NEK8: variants seen among roughly 807,000 people sequenced by gnomAD.
The protein encoded by NEK8 is NIMA related kinase 8, also known as serine/threonine-protein kinase Nek8.
A neutral mutation model predicts 77.2 loss-of-function variants in NEK8; 51 were observed. The ratio of observed to expected loss-of-function variants is 0.66; its 90% confidence interval spans 0.53 to 0.83. The LOEUF is 0.83. Ranked by LOEUF, NEK8 falls within the 40% of genes least tolerant of loss-of-function variation. The probability of loss-of-function intolerance (pLI) is 0.00; values close to 1 mark genes in which losing one functional copy is unlikely to be tolerated. For synonymous variants in NEK8, 365 were observed against 363.2 expected (o/e 1.00, Z -0.06); for missense variants, 787 against 909.2 (o/e 0.87, Z 1.73).
chr17:28,737,852 C>T lies in NEK8; in HGVS notation c.923C>T (p.Pro308Leu). ...IPRGPVRPAI[P>L]PPLSSVYAWG... Reference sequence around the variant, plus strand: ...CGGGGACCTGTGAGGCCAGCCATCCCACCACCACTGTCGTCAGTGTATGCC... The same window carrying T: ...CGGGGACCTGTGAGGCCAGCCATCCTACCACCACTGTCGTCAGTGTATGCC... The change falls in exon 7 of 15, where the codon CCA (proline) becomes CTA (leucine). Residue 308 changes from proline (P) to leucine (L), a missense_variant. Around this residue, in one of 2 missense-constraint regions of NEK8, gnomAD observed 516 missense variants for 544.0 expected, o/e 0.95. Coordinates refer to ENST00000268766, the MANE Select transcript of NEK8 (RefSeq NM_178170.3). This position sits in a 1 kb window ranked among gnomAD's most constrained non-coding sequence, Gnocchi z 4.8. The T allele has an allele frequency of 6.2e-7, 1 of 1,613,988 alleles. No homozygotes were observed. Among genetic ancestry groups the T allele is most frequent in the South Asian group, 1.1e-5 (1 of 91,078 alleles).
chr17:28,735,132 G>T, intron 3 of NEK8, 108 bp from the exon 4 acceptor site: 1 of 1,557,048 alleles, frequency 6.4e-7, no homozygotes, highest in Non-Finnish European at 8.8e-7. Flanking sequence ...TCTGCAGGAG[G>T]AAGCCCCTTG....
intron 1 of NEK8, among the ~76,000 whole-genome samples, chr17:28,730,139 G>C (rs982210812): frequency 6.6e-6 from 1 of 152,140 alleles, no homozygotes; most frequent in African/African-American, 2.4e-5. Flanking sequence ...TTGAGACGGA[G>C]TCTTGCACTG....
At position 28,736,236 on chromosome 17, in the gene NEK8, C is replaced by T. The variant is rs1355262575; in HGVS notation, c.618+865C>T. On this transcript the variant is annotated intron_variant, in intron 4 of 14. Coordinates refer to ENST00000268766, the MANE Select transcript of NEK8 (RefSeq NM_178170.3). ...TGTGAATAGTGCCACAATAAACATA[C>T]GTGTGCATGTGTCTTTATAGCAGCA... 2.9e-4 allele frequency among the ~76,000 whole-genome samples: 44 copies of T among 152,272 alleles called. No homozygotes were observed. In the East Asian group the frequency reaches 7.3e-3, roughly 25 times the overall value.
At position 28,742,636 on chromosome 17, in the gene NEK8, TAA is replaced by T. The variant is rs2034436905; in HGVS notation, c.*650_*651del. ...CCTTTCCCCTAGCCCAGTTAGAAAATAAGTCTGGGCCGGCGGCGGTGGCTCAC... is the reference window on the plus strand; with the variant it reads ...CCTTTCCCCTAGCCCAGTTAGAAAATGTCTGGGCCGGCGGCGGTGGCTCAC... On this transcript the variant is annotated 3_prime_UTR_variant, in exon 15 of 15. Coordinates refer to ENST00000268766, the MANE Select transcript of NEK8 (RefSeq NM_178170.3). 1 of 152,342 alleles carries T rather than the reference TAA, an allele frequency of 6.6e-6. No individual in the cohort carries two copies. Among genetic ancestry groups the T allele is most frequent in the Admixed American group, 6.3e-5 (1 of 15,814 alleles). The allele number at this position is 152,342 out of a possible 1,614,324, so 9.4% of individuals were successfully genotyped here.
At chr17:28,739,900 A>T (rs549501622) in intron 10 of NEK8, among the ~76,000 whole-genome samples, 76 of 152,344 alleles carry the variant, frequency 5.0e-4, no homozygotes, top group African/African-American at 1.6e-3. Context: ...AACAGATAGC[A>T]TCAGGGCTAC....
chr17:28,739,253 C>T (rs1349895984), intron 10 of NEK8, 52 bp downstream of exon 10: 2 of 1,232,682 alleles, frequency 1.6e-6, no homozygotes, highest in Admixed American at 3.4e-5. Context: ...CCATGACTTG[C>T]TCCCCTTCAT....
chr17:28,737,391 T>A lies in NEK8; in HGVS notation c.704T>A (p.Val235Asp). ...DRYSPELRQL[V>D]LSLLSLEPAQ... ...TACAGCCCTGAGCTTCGCCAGCTGG[T>A]CCTGAGTCTACTCAGCCTGGAGCCT... The change falls in exon 5 of 15, where the codon GTC becomes GAC. Residue 235 changes from valine to aspartate, a missense_variant. Val to Asp is a radical substitution (Grantham distance 152). Coordinates refer to ENST00000268766, the MANE Select transcript of NEK8 (RefSeq NM_178170.3). The surrounding 1 kb of genome is among the most constrained non-coding windows in gnomAD (Gnocchi z 4.8). 1 of 1,613,790 alleles carries A rather than the reference T, an allele frequency of 6.2e-7. No individual in the cohort carries two copies. Among genetic ancestry groups the A allele is most frequent in the South Asian group, 1.1e-5 (1 of 91,086 alleles).
In NEK8 at chr17:28,738,731, T is replaced by C; in HGVS notation, c.1283T>C (p.Leu428Pro). ...AATGGGTGCCTAGGCCATGGCAGCC[T>C]CACTGACATCAGCCAGGTGGGTGTC... ...GSNGCLGHGSLTDISQPTIVE... is the reference protein window; with the variant it reads ...GSNGCLGHGSPTDISQPTIVE... The change falls in exon 9 of 15, where the codon CTC (leucine) becomes CCC (proline). Residue 428 changes from leucine (L) to proline (P), a missense_variant. This residue lies in a region of NEK8 where 516 missense variants were observed against 544.0 expected (regional missense o/e 0.95). Transcript: ENST00000268766. The C allele has an allele frequency of 6.2e-7, 1 of 1,613,710 alleles. No homozygotes were observed. Among genetic ancestry groups the C allele is most frequent in the Non-Finnish European group, 8.5e-7 (1 of 1,179,570 alleles).
chr17:28,734,567 C>G (rs1005510367), intron 2 of NEK8: 2 of 598,738 alleles, frequency 3.3e-6, no homozygotes, highest in Non-Finnish European at 3.0e-6. Context: ...ACCTGTAGTC[C>G]CAGCTACTAA....
intron 1 of NEK8, among the ~76,000 whole-genome samples, chr17:28,732,545 C>CTTTTTTT (rs1054257308): frequency 2.3e-4 from 18 of 77,912 alleles, no homozygotes; most frequent in Admixed American, 5.3e-4. Flanking sequence ...TTTTTCTTTT[C>CTTTTTTT]TTTTTTTTTT....
chr17:28,743,072 CAAAAAAAAAAAAA>C lies in NEK8; in HGVS notation c.*1103_*1115del, dbSNP rs60028464. 3.4e-3 allele frequency: 225 copies of C among 66,250 alleles called. 2 individuals are homozygous for C. The South Asian group carries it at 0.045, about 13-fold the overall frequency. 4.1% of individuals were successfully genotyped at this position (66,250 alleles called of 1,614,324 possible). On this transcript the variant is annotated 3_prime_UTR_variant, in exon 15 of 15. Transcript: ENST00000268766. ...TGGATGACAGAGCAAGTCTCCCTCTCAAAAAAAAAAAAAAAAAAAAAAAAAAAAAAGTATTTGG... is the reference window on the plus strand; with the variant it reads ...TGGATGACAGAGCAAGTCTCCCTCTCAAAAAAAAAAAAAAAAAGTATTTGG...
At position 28,740,883 on chromosome 17, in the gene NEK8, G is replaced by C; in HGVS notation, c.1630G>C (p.Val544Leu). The C allele has an allele frequency of 5.0e-6, 8 of 1,614,164 alleles. No homozygotes were observed. The highest frequency in any genetic ancestry group is 6.8e-6 in the Non-Finnish European group (8 of 1,180,036). The change falls in exon 12 of 15, where the codon GTG (valine) becomes CTG (leucine). Residue 544 changes from valine (V) to leucine (L), a missense_variant. Val to Leu is a conservative substitution (Grantham distance 32, BLOSUM62 1). Around this residue, in one of 2 missense-constraint regions of NEK8, gnomAD observed 516 missense variants for 544.0 expected, o/e 0.95. Coordinates refer to ENST00000268766, the MANE Select transcript of NEK8 (RefSeq NM_178170.3). The surrounding 1 kb of genome is among the most constrained non-coding windows in gnomAD (Gnocchi z 4.7). The stretch of plus-strand genomic sequence containing the variant: ...GGAGGAGCCTGTCCCCCACCAGCAA[G>C]TGGAGGAGGCCCTGAGCTTCACACT... Reference protein sequence around the residue: ...LGEEPVPHQQVEEALSFTLLG... With the variant: ...LGEEPVPHQQLEEALSFTLLG...
In NEK8 at chr17:28,741,557, T is replaced by C. The variant is rs372796548; in HGVS notation, c.2036T>C (p.Leu679Pro). The C allele has an allele frequency of 4.6e-5, 74 of 1,613,976 alleles. No individual in the cohort carries two copies. Among genetic ancestry groups the C allele is most frequent in the Non-Finnish European group, 6.0e-5 (71 of 1,180,006 alleles). Residue 679 changes from leucine (L) to proline (P), a missense_variant, in exon 14 of 15, where the codon CTC (leucine) becomes CCC (proline). Leu to Pro is a moderately conservative substitution (Grantham distance 98). Coordinates refer to ENST00000268766, the MANE Select transcript of NEK8 (RefSeq NM_178170.3). The surrounding 1 kb of genome is among the most constrained non-coding windows in gnomAD (Gnocchi z 4.5). ...GTGTCCTGTTGCCATGGAAACACCC[T>C]CCTGGCTGTTCGATGTGAGTTGTAA... ...TSVSCCHGNT[L>P]LAVRSVTDEP...
chr17:28,739,290 C>T (rs1401077608), intron 10 of NEK8, 89 bp downstream of exon 10: 5 of 851,936 alleles, frequency 5.9e-6, no homozygotes, highest in Middle Eastern at 6.2e-4. Context: ...ACAGCACATT[C>T]TCTCTTCCCT....
At chr17:28,738,812 T>A in intron 9 of NEK8, 65 bp downstream of exon 9, 1 of 1,320,486 alleles carries the variant, frequency 7.6e-7, no homozygotes, top group Non-Finnish European at 1.1e-6. Context: ...CATCTGTGAG[T>A]TGACACCAGA....
chr17:28,738,373 A>G, intron 8 of NEK8, 128 bp downstream of exon 8: 2 of 1,192,640 alleles, frequency 1.7e-6, no homozygotes, highest in South Asian at 1.3e-5. Flanking sequence ...GCTTCTGTCT[A>G]GTAACTATTG....
At chr17:28,738,353 T>C (rs1393766968) in intron 8 of NEK8, 108 bp downstream of exon 8, 4 of 1,318,492 alleles carry the variant, frequency 3.0e-6, no homozygotes, top group African/African-American at 2.9e-5. Context: ...CTACTAGTTA[T>C]CGAGTTATTG....
chr17:28,735,010 T>G lies in NEK8; in HGVS notation c.486+6T>G. The G allele has an allele frequency of 3.7e-6, 6 of 1,605,710 alleles. No homozygotes were observed. The highest frequency in any genetic ancestry group is 5.1e-6 in the Non-Finnish European group (6 of 1,175,158). On this transcript the variant is annotated splice_donor_region_variant and intron_variant, in intron 3 of 14. Transcript: ENST00000268766. ...GCAAGAGCAAGGCCTACACGGTGCC[T>G]GGGCATGGAAGGGACCTCCAGGGCA...
At chr17:28,736,763 T>C (rs1407342429) in intron 4 of NEK8, among the ~76,000 whole-genome samples, 2 of 152,096 alleles carry the variant, frequency 1.3e-5, no homozygotes, top group Non-Finnish European at 2.9e-5. Context: ...GTGCAGAAGC[T>C]CTTTAGTTTA....
Sources: gnomAD v4.1 joint callset for allele counts (sites outside exome capture counted in the v4.1 genomes callset) on GRCh38, gnomAD v4.1.1 for gene constraint, gnomAD v4.1.1 regional missense constraint, Gnocchi (gnomAD v3.1) non-coding constraint, MANE v1.5 for transcripts, NCBI Gene and HGNC (gene_info 2026-07-23, HGNC 2026-07-21) for gene names.